LGR6: variants seen among roughly 807,000 people sequenced by gnomAD.
The protein encoded by LGR6 is leucine rich repeat containing G protein-coupled receptor 6.
LGR6 carries 45 observed loss-of-function variants against 69.4 expected under a neutral mutation model. The observed-to-expected ratio is 0.65, with a 90% confidence interval of 0.51 to 0.83. The LOEUF is 0.83. Ranked by LOEUF, LGR6 falls within the 40% of genes least tolerant of loss-of-function variation. The pLI is 0.00. For missense variants in LGR6, 1,108 were observed against 1,246.7 expected (o/e 0.89, Z 1.68); for synonymous variants, 538 against 555.0 (o/e 0.97, Z 0.43).
intron 11 of LGR6, 79 bp downstream of exon 11, chr1:202,304,709 G>A: frequency 9.0e-7 from 1 of 1,107,636 alleles, no homozygotes; most frequent in Non-Finnish European, 1.3e-6. Flanking sequence ...TCCTGCTTCT[G>A]TCCCACTTGG....
At chr1:202,279,073 C>G (rs1036457145) in intron 5 of LGR6, among the ~76,000 whole-genome samples, 1 of 152,092 alleles carries the variant, frequency 6.6e-6, no homozygotes, top group African/African-American at 2.4e-5. Context: ...CTGAGATGGC[C>G]TGGACCTGAG....
At chr1:202,292,340 G>A (rs547047598) in intron 6 of LGR6, among the ~76,000 whole-genome samples, 4 of 152,346 alleles carry the variant, frequency 2.6e-5, no homozygotes, top group Non-Finnish European at 5.9e-5. Flanking sequence ...CTGTGACACC[G>A]AATTAGTTCA....
At chr1:202,243,315 G>C (rs1289606841) in intron 4 of LGR6, among the ~76,000 whole-genome samples, 1 of 152,104 alleles carries the variant, frequency 6.6e-6, no homozygotes, top group African/African-American at 2.4e-5. Context: ...GGGGAGCCTG[G>C]GTTGAGGGGA....
intron 4 of LGR6, among the ~76,000 whole-genome samples, chr1:202,256,705 T>C (rs1211042299): frequency 1.3e-5 from 2 of 152,244 alleles, no homozygotes; most frequent in Non-Finnish European, 2.9e-5. Flanking sequence ...TGTACACATA[T>C]GTTGTCAGTT....
chr1:202,218,902 A>G (rs1160984533), intron 1 of LGR6, among the ~76,000 whole-genome samples: 1 of 152,122 alleles, frequency 6.6e-6, no homozygotes. Flanking sequence ...TTGTGAGTAA[A>G]AAGTCCTTCC....
intron 4 of LGR6, among the ~76,000 whole-genome samples, chr1:202,273,818 T>A (rs1665317367): frequency 6.6e-6 from 1 of 152,128 alleles, no homozygotes; most frequent in African/African-American, 2.4e-5. Flanking sequence ...ACACTGGACC[T>A]GCATTCTCTT....
chr1:202,283,952 A>G (rs1265793382), intron 6 of LGR6, among the ~76,000 whole-genome samples: 2 of 152,178 alleles, frequency 1.3e-5, no homozygotes, highest in Non-Finnish European at 2.9e-5. Context: ...TGTGAGCCTC[A>G]CTTCCTTCAT....
At chr1:202,280,722 C>T (rs1665935507) in intron 5 of LGR6, 59 bp from the exon 6 acceptor site, 2 of 1,469,938 alleles carry the variant, frequency 1.4e-6, no homozygotes, top group African/African-American at 2.8e-5. Flanking sequence ...TGTGCTCTTC[C>T]ATCCCCTGGC....
intron 6 of LGR6, among the ~76,000 whole-genome samples, chr1:202,292,707 C>T (rs1264969322): frequency 1.3e-5 from 2 of 152,254 alleles, no homozygotes; most frequent in Non-Finnish European, 2.9e-5. Context: ...GATAAGCCAG[C>T]ACTGCCCAGT....
At chr1:202,238,511 C>A (rs971349402) in intron 4 of LGR6, among the ~76,000 whole-genome samples, 26 of 150,958 alleles carry the variant, frequency 1.7e-4, no homozygotes, top group African/African-American at 6.3e-4. Flanking sequence ...GCAACCTCCG[C>A]CTCCTGGGTT....
chr1:202,247,931 C>T (rs1297618637), intron 4 of LGR6, among the ~76,000 whole-genome samples: 2 of 152,202 alleles, frequency 1.3e-5, no homozygotes. Context: ...TGCCTGCCCC[C>T]TCCTCCTCCC....
intron 1 of LGR6, among the ~76,000 whole-genome samples, chr1:202,214,512 C>T (rs1659635350): frequency 6.6e-6 from 1 of 151,952 alleles, no homozygotes. Context: ...CCCGGGGCCG[C>T]CGCTTAGCTC....
Position 202,317,949 on chromosome 1 carries a change from C to A in LGR6, c.1649-3C>A. 6.2e-7 allele frequency: 1 copy of A among 1,602,880 alleles called. No individual in the cohort carries two copies. Among genetic ancestry groups the A allele is most frequent in the Non-Finnish European group, 8.5e-7 (1 of 1,174,066 alleles). ...CAGGGTTAATGTCTGATCTCTCCTA[C>A]AGGCCCCTTCAAGCCCTGTGAGTAC... On this transcript the variant is annotated splice_polypyrimidine_tract_variant and splice_region_variant and intron_variant, in intron 17 of 17. Coordinates refer to ENST00000367278, the MANE Select transcript of LGR6 (RefSeq NM_001017403.2).
At chr1:202,303,499 G>A (rs1186860590) in intron 10 of LGR6, 152 bp downstream of exon 10, 3 of 654,080 alleles carry the variant, frequency 4.6e-6, no homozygotes, top group Non-Finnish European at 8.2e-6. Flanking sequence ...TCCTCCTGAT[G>A]TGGCACTGCC....
intron 1 of LGR6, among the ~76,000 whole-genome samples, chr1:202,204,316 CACA>C (rs1658952826): frequency 8.9e-6 from 1 of 112,992 alleles, no homozygotes; most frequent in African/African-American, 3.4e-5. Flanking sequence ...ACACCCAACA[CACA>C]CCTCCTCCTA....
chr1:202,300,953 G>T lies in LGR6; in HGVS notation c.857+33G>T, dbSNP rs200044070. ...CTACTTTCTCTGGTCTCTTAATGCC[G>T]AACAGTGTTTCAGGGAGGAGGACAG... On this transcript the variant is annotated intron_variant, in intron 8 of 17. Transcript: ENST00000367278. 9 of 1,565,320 alleles carry T rather than the reference G, an allele frequency of 5.7e-6. No homozygotes were observed. In the Admixed American group the frequency reaches 6.8e-5, roughly 12 times the overall value.
chr1:202,205,816 TACACACACACCCCA>T (rs1157400446), intron 1 of LGR6, among the ~76,000 whole-genome samples: 5 of 119,700 alleles, frequency 4.2e-5, no homozygotes, highest in Non-Finnish European at 6.7e-5. Context: ...ACCTCCTTCA[TACACACACACCCCA>T]ACACACACAC....
In LGR6 at chr1:202,273,174, A is replaced by G. The variant is rs538479375; in HGVS notation, c.429-3132A>G. 1.4e-4 allele frequency among the ~76,000 whole-genome samples: 22 copies of G among 152,316 alleles called. 2 individuals carry two copies. In the South Asian group the frequency reaches 4.4e-3, roughly 30 times the overall value. Reference sequence around the variant, plus strand: ...AATGGCATTTTTGAGAAGATACAGGACACGGTACCTGGTATTGTATACCTG... The same window carrying G: ...AATGGCATTTTTGAGAAGATACAGGGCACGGTACCTGGTATTGTATACCTG... On this transcript the variant is annotated intron_variant, in intron 4 of 17. Coordinates refer to ENST00000367278, the MANE Select transcript of LGR6 (RefSeq NM_001017403.2).
At position 202,319,388 on chromosome 1, in the gene LGR6, GGCC is replaced by G; in HGVS notation, c.*182_*184del. 1.7e-6 allele frequency: 1 copy of G among 594,050 alleles called. No individual in the cohort carries two copies. The highest frequency in any genetic ancestry group is 2.7e-6 in the Non-Finnish European group (1 of 367,762). The allele number at this position is 594,050 out of a possible 1,614,324, so 36.8% of individuals were successfully genotyped here. On this transcript the variant is annotated 3_prime_UTR_variant, in exon 18 of 18. Coordinates refer to ENST00000367278, the MANE Select transcript of LGR6 (RefSeq NM_001017403.2). ...TGACCATCACCAACGGGTGCCTCTT[GGCC>G]TGGCTTTCCCTTGGCCTTCCTCAGC...
Sources: allele counts gnomAD v4.1 joint callset (sites outside exome capture counted in the v4.1 genomes callset), GRCh38; gene constraint gnomAD v4.1.1; transcripts MANE v1.5; gene names NCBI Gene and HGNC (gene_info 2026-07-23, HGNC 2026-07-21).